The following CLCN7 variants were observed in gnomAD, a reference collection of about 807,000 sequenced individuals.
CLCN7 encodes Cl-/H+ antiporter 7, also known as H(+)/Cl(-) exchange transporter 7.
In CLCN7, 60 loss-of-function variants were observed where a neutral mutation model predicts 102.1. The ratio of observed to expected loss-of-function variants is 0.59; its 90% CI spans 0.48 to 0.73. CLCN7 has a LOEUF of 0.73. CLCN7 is among the 30% of genes least tolerant of loss of function. The pLI is 0.00. For synonymous variants in CLCN7, 560 were observed against 490.5 expected (o/e 1.14, Z -1.87); for missense variants, 962 against 1,125.7 (o/e 0.85, Z 2.08).
chr16:1,450,261 CCCTACCTTCGCCT>C, intron 17 of CLCN7: 1 of 583,730 alleles, frequency 1.7e-6, no homozygotes, highest in Non-Finnish European at 3.1e-6. Context: ...AGCCTCCGCC[CCCTACCTTCGCCT>C]GGTCCAGACT....
intron 11 of CLCN7, 150 bp from the exon 12 acceptor site, chr16:1,455,400 G>C: frequency 1.4e-6 from 1 of 734,878 alleles, no homozygotes. Context: ...GCTGGAGCCA[G>C]GGGTGGGCGC....
rs746293616 is a variant in CLCN7 at position 1,446,619 on chromosome 16, C to G, written c.*12G>C. On this transcript the variant is annotated 3_prime_UTR_variant, in exon 25 of 25. Coordinates refer to ENST00000382745, the MANE Select transcript of CLCN7 (RefSeq NM_001287.6). ...TGCCAGCGCCAGTGCCCATTATGGGCAGGGCTGGGCCTCACGTCTGGGCCA... is the reference window on the plus strand; with the variant it reads ...TGCCAGCGCCAGTGCCCATTATGGGGAGGGCTGGGCCTCACGTCTGGGCCA... The G allele has an allele frequency of 1.3e-6, 2 of 1,556,824 alleles. No homozygotes were observed. Among genetic ancestry groups the G allele is most frequent in the Admixed American group, 3.8e-5 (2 of 52,672 alleles).
At chr16:1,467,344 A>T (rs984954521) in intron 1 of CLCN7, among the ~76,000 whole-genome samples, 2 of 152,162 alleles carry the variant, frequency 1.3e-5, no homozygotes, top group African/African-American at 4.8e-5. Flanking sequence ...GCCTTGCCAC[A>T]TGCCAGTGGC....
intron 15 of CLCN7, 187 bp downstream of exon 15, chr16:1,452,567 CT>C (rs1420531162): frequency 4.7e-6 from 3 of 635,430 alleles, no homozygotes; most frequent in Non-Finnish European, 8.1e-6. Flanking sequence ...CCCCTGGCAC[CT>C]CAGCAGACAC....
At position 1,444,974 on chromosome 16, in the gene CLCN7, A is replaced by G. The variant is rs2142360933; in HGVS notation, c.*1657T>C. The G allele has an allele frequency of 6.5e-6, 1 of 152,700 alleles. No homozygotes were observed. Among genetic ancestry groups the G allele is most frequent in the East Asian group, 1.9e-4 (1 of 5,192 alleles). The allele number at this position is 152,700 out of a possible 1,614,324, so 9.5% of individuals were successfully genotyped here. On this transcript the variant is annotated 3_prime_UTR_variant, in exon 25 of 25. Coordinates refer to ENST00000382745, the MANE Select transcript of CLCN7 (RefSeq NM_001287.6). ...TGATTTTATTTAACCGAATATATCC[A>G]AAATATGATCACTTCCAGGTCCTCA...
rs1333249516 is a variant in CLCN7, at chr16:1,446,555, A to G, written c.*76T>C. ...GCTGGGGAGCATGGTTTGGGCCGAG[A>G]AACCAGTGACTCCGGGAGGAAATGC... On this transcript the variant is annotated 3_prime_UTR_variant, in exon 25 of 25. Transcript: ENST00000382745. 7.4e-7 allele frequency: 1 copy of G among 1,350,332 alleles called. No homozygotes were observed. The highest frequency in any genetic ancestry group is 2.5e-5 in the East Asian group (1 of 40,008). The allele number at this position is 1,350,332 out of a possible 1,614,324, so 83.6% of individuals were successfully genotyped here.
intron 2 of CLCN7, among the ~76,000 whole-genome samples, chr16:1,465,009 C>T (rs2038985641): frequency 6.6e-6 from 1 of 152,148 alleles, no homozygotes; most frequent in Non-Finnish European, 1.5e-5. Context: ...AAAGCCAGGT[C>T]CAGCCCCCTC....
At chr16:1,454,864 C>T (rs1020287188) in intron 12 of CLCN7, among the ~76,000 whole-genome samples, 2 of 152,212 alleles carry the variant, frequency 1.3e-5, no homozygotes, top group Admixed American at 6.5e-5. Flanking sequence ...GCGGCTGCTG[C>T]ACGTGCCCCC....
In CLCN7 at chr16:1,465,257, C is replaced by T. The variant is rs1296975069; in HGVS notation, c.213+10G>A. 2.5e-6 allele frequency: 4 copies of T among 1,612,822 alleles called. No homozygotes were observed. The highest frequency in any genetic ancestry group is 1.3e-5 in the African/African-American group (1 of 74,908). ...GCTCTGCGGGAGGACGGGGAACACCCCCAACTCACCGGGTCCAAAAGTTCA... is the reference window on the plus strand; with the variant it reads ...GCTCTGCGGGAGGACGGGGAACACCTCCAACTCACCGGGTCCAAAAGTTCA... On this transcript the variant is annotated intron_variant, in intron 2 of 24. Coordinates refer to ENST00000382745, the MANE Select transcript of CLCN7 (RefSeq NM_001287.6).
At chr16:1,471,063 AGT>A (rs1451748409) in intron 1 of CLCN7, among the ~76,000 whole-genome samples, 1 of 152,162 alleles carries the variant, frequency 6.6e-6, no homozygotes, top group Admixed American at 6.6e-5. Flanking sequence ...CCAGATGAGC[AGT>A]GACTGGCTTG....
chr16:1,447,604 C>A (rs1384869022), intron 22 of CLCN7, 36 bp from the exon 23 acceptor site: 1 of 1,551,888 alleles, frequency 6.4e-7, no homozygotes, highest in African/African-American at 1.4e-5. Flanking sequence ...GGCACCCAGG[C>A]AGCACCCCCG....
Position 1,446,325 on chromosome 16 carries a change from AG to A in CLCN7, c.*305del. On this transcript the variant is annotated 3_prime_UTR_variant, in exon 25 of 25. Coordinates refer to ENST00000382745, the MANE Select transcript of CLCN7 (RefSeq NM_001287.6). ...GCCGGCCCTGCCGCTGGCTCCCAAG[AG>A]GCCGATAGCCCGGTAGGGAGGTCAC... The A allele has an allele frequency of 1.4e-6, 1 of 701,668 alleles. No homozygotes were observed. The highest frequency in any genetic ancestry group is 1.5e-5 in the South Asian group (1 of 67,570). 43.5% of individuals were successfully genotyped at this position (701,668 alleles called of 1,614,324 possible).
At chr16:1,452,916 AT>A in intron 14 of CLCN7, 23 bp from the exon 15 acceptor site, 1 of 1,559,534 alleles carries the variant, frequency 6.4e-7, no homozygotes, top group Non-Finnish European at 8.7e-7. Flanking sequence ...ATCAGGCTGC[AT>A]GGCAGGCAGG....
chr16:1,460,763 GGCCCAGGCCAC>G, intron 5 of CLCN7, 42 bp downstream of exon 5: 1 of 1,612,846 alleles, frequency 6.2e-7, no homozygotes, highest in Non-Finnish European at 8.5e-7. Flanking sequence ...CCCGGGACTC[GGCCCAGGCCAC>G]GCCCCCCTCC....
chr16:1,472,851 C>T (rs1026315848), intron 1 of CLCN7, among the ~76,000 whole-genome samples: 1 of 148,710 alleles, frequency 6.7e-6, no homozygotes, highest in Admixed American at 6.7e-5. Context: ...CAGCTTCAAC[C>T]TCCTGGGCTC....
At chr16:1,454,985 T>G in intron 12 of CLCN7, 149 bp downstream of exon 12, 1 of 664,156 alleles carries the variant, frequency 1.5e-6, no homozygotes, top group Non-Finnish European at 2.8e-6. Flanking sequence ...CTGCAGCCCC[T>G]CGGGGCCCTG....
chr16:1,452,836 C>T lies in CLCN7; in HGVS notation c.1272G>A (p.Thr424=), dbSNP rs145286036. Residue 424 remains threonine, a synonymous_variant, in exon 15 of 25, where the codon ACG becomes ACA. Transcript: ENST00000382745. ...AGATCAGCACGAAGGCAACTGTGGC[C>T]GTGACGGCGGCCACCAGCACGGCCT... ...VIEAVLVAAV[T]ATVAFVLIYS... is the part of the protein sequence containing the mutation. The T allele has an allele frequency of 5.7e-5, 90 of 1,591,814 alleles. No homozygotes were observed. In the Middle Eastern group the frequency reaches 1.7e-3, roughly 29 times the overall value.
At chr16:1,452,116 C>T (rs139223573) in intron 15 of CLCN7, 21 of 318,418 alleles carry the variant, frequency 6.6e-5, no homozygotes, top group Middle Eastern at 1.2e-3. Flanking sequence ...TCCAGCAGCA[C>T]AGGGGGTGTT....
intron 16 of CLCN7, among the ~76,000 whole-genome samples, chr16:1,451,199 A>C (rs956742888): frequency 5.3e-5 from 8 of 152,316 alleles, no homozygotes; most frequent in African/African-American, 1.9e-4. Context: ...TGTGGGAGTC[A>C]CCAGGCTGGG....
Sources: allele counts gnomAD v4.1 joint callset (sites outside exome capture counted in the v4.1 genomes callset), GRCh38; gene constraint gnomAD v4.1.1; transcripts MANE v1.5; gene names NCBI Gene and HGNC (gene_info 2026-07-23, HGNC 2026-07-21).